HTT: variants seen among roughly 807,000 people sequenced by gnomAD.
HTT encodes huntington disease protein.
A neutral mutation model predicts 362.3 loss-of-function variants in HTT; 104 were observed. That is an observed-to-expected ratio of 0.29 (90% CI 0.24 to 0.34). HTT has a LOEUF of 0.34. HTT is among the 10% of genes least tolerant of loss of function. The pLI is 1.00. For missense variants in HTT, 3,301 were observed against 3,928.6 expected (o/e 0.84, Z 4.27); for synonymous variants, 1,577 against 1,548.7 (o/e 1.02, Z -0.43).
At chr4:3,174,622 T>G in intron 31 of HTT, 99 bp from the exon 32 acceptor site, 2 of 891,166 alleles carry the variant, frequency 2.2e-6, no homozygotes, top group Non-Finnish European at 3.7e-6. Flanking sequence ...TCTGATCGTG[T>G]GAATGTGAAA....
intron 27 of HTT, among the ~76,000 whole-genome samples, chr4:3,155,846 T>C (rs1467593581): frequency 6.7e-6 from 1 of 148,282 alleles, no homozygotes; most frequent in African/African-American, 2.5e-5. Context: ...TGCAGTGAGC[T>C]GAGTTCATGC....
intron 56 of HTT, among the ~76,000 whole-genome samples, chr4:3,224,755 G>A (rs1294014974): frequency 3.9e-5 from 6 of 152,240 alleles, no homozygotes; most frequent in Non-Finnish European, 7.3e-5. Context: ...GCACCTTGAA[G>A]GCTTTAATTG....
At chr4:3,210,130 A>G (rs1020098296) in intron 47 of HTT, among the ~76,000 whole-genome samples, 181 bp downstream of exon 47, 2 of 152,144 alleles carry the variant, frequency 1.3e-5, no homozygotes, top group African/African-American at 4.8e-5. Context: ...GGAGGACTCC[A>G]TTTCAGATGG....
intron 41 of HTT, among the ~76,000 whole-genome samples, chr4:3,201,529 C>CAAAA (rs925357780): frequency 1.3e-4 from 8 of 61,628 alleles, no homozygotes; most frequent in East Asian, 5.6e-4. Context: ...GACTCCATCT[C>CAAAA]AAAAAAAAAA....
At chr4:3,153,845 G>A (rs1422787921) in intron 26 of HTT, among the ~76,000 whole-genome samples, 2 of 152,052 alleles carry the variant, frequency 1.3e-5, no homozygotes, top group African/African-American at 4.8e-5. Context: ...GATTGCTTGA[G>A]CCCAGGAGGT....
At chr4:3,239,105 A>G (rs761048793) in intron 66 of HTT, 127 bp downstream of exon 66, 19 of 977,232 alleles carry the variant, frequency 1.9e-5, no homozygotes, top group Non-Finnish European at 2.7e-5. Flanking sequence ...ACAGGCCCTC[A>G]GCCCCAGGGA....
chr4:3,160,018 T>C (rs1249112511), intron 28 of HTT, among the ~76,000 whole-genome samples: 1 of 152,190 alleles, frequency 6.6e-6, no homozygotes, highest in African/African-American at 2.4e-5. Context: ...TGAAAGAAAG[T>C]TAGGAATTAT....
chr4:3,086,345 A>G (rs563385411), intron 1 of HTT, among the ~76,000 whole-genome samples: 1 of 152,252 alleles, frequency 6.6e-6, no homozygotes, highest in African/African-American at 2.4e-5. Flanking sequence ...TGGGCATGTC[A>G]TGGTTGGCAC....
rs780493120 is a variant in HTT, at chr4:3,208,870, G to A, written c.6250G>A (p.Gly2084Arg). 1.2e-5 allele frequency: 19 copies of A among 1,613,996 alleles called. No individual in the cohort carries two copies. The highest frequency in any genetic ancestry group is 2.2e-5 in the South Asian group (2 of 91,054). The change falls in exon 46 of 67, where the codon GGG (glycine) becomes AGG (arginine). Residue 2084 changes from glycine (G) to arginine (R), a missense_variant. Gly to Arg is a moderately radical substitution (Grantham distance 125). Transcript: ENST00000355072. Reference protein sequence around the residue: ...SPPVSSHPLDGDGHVSLETVS... With the variant: ...SPPVSSHPLDRDGHVSLETVS... The stretch of plus-strand genomic sequence containing the variant: ...TCCAGTCTCTTCCCACCCGCTGGAC[G>A]GGGATGGGCACGTGTCACTGGAAAC...
At chr4:3,081,183 G>A (rs1338709806) in intron 1 of HTT, among the ~76,000 whole-genome samples, 4 of 152,164 alleles carry the variant, frequency 2.6e-5, no homozygotes, top group Non-Finnish European at 2.9e-5. Flanking sequence ...GGGAGTATTC[G>A]CATCTTAACA....
chr4:3,130,108 T>C (rs1715730944), intron 13 of HTT, 61 bp downstream of exon 13: 9 of 1,487,860 alleles, frequency 6.0e-6, no homozygotes, highest in Non-Finnish European at 8.1e-6. Flanking sequence ...GACATCTTAA[T>C]TATATCTTTG....
intron 47 of HTT, among the ~76,000 whole-genome samples, chr4:3,211,346 T>C (rs975454528): frequency 1.3e-5 from 2 of 152,244 alleles, no homozygotes; most frequent in Admixed American, 6.5e-5. Context: ...AAAGAAAGCT[T>C]CAACTTTTGG....
At chr4:3,130,655 T>G (rs962024685) in intron 14 of HTT, among the ~76,000 whole-genome samples, 2 of 152,246 alleles carry the variant, frequency 1.3e-5, no homozygotes, top group Admixed American at 6.5e-5. Flanking sequence ...ACAAATCTAT[T>G]CTGTACTGAA....
chr4:3,175,936 C>T (rs1343544902), intron 33 of HTT, among the ~76,000 whole-genome samples: 1 of 151,982 alleles, frequency 6.6e-6, no homozygotes, highest in East Asian at 1.9e-4. Flanking sequence ...GTCTGTTTCC[C>T]TAGGAGAACT....
At chr4:3,088,695 A>G (rs183193202) in intron 2 of HTT, among the ~76,000 whole-genome samples, 1 of 150,734 alleles carries the variant, frequency 6.6e-6, no homozygotes, top group African/African-American at 2.4e-5. Flanking sequence ...TATGAGTGTA[A>G]CTGCTCTGGA....
At chr4:3,215,074 G>A (rs1351546712) in intron 50 of HTT, 36 bp from the exon 51 acceptor site, 2 of 1,513,904 alleles carry the variant, frequency 1.3e-6, no homozygotes, top group African/African-American at 1.4e-5. Context: ...ATGGAAGTGT[G>A]TAGAAATTCT....
Position 3,228,347 on chromosome 4 carries a change from T to C in HTT, c.7849-268T>C, listed in dbSNP as rs1435490521. On this transcript the variant is annotated intron_variant, in intron 57 of 66. Coordinates refer to ENST00000355072, the MANE Select transcript of HTT (RefSeq NM_001388492.1). The surrounding 1 kb of genome is among the most constrained non-coding windows in gnomAD (Gnocchi z 4.3). ...AAAGCATCCCTTCGTAGAGCCTCTT[T>C]CTGTGTCACCCTCCTCAGCTGCTCC... Among the ~76,000 whole-genome samples, 1 of 152,180 alleles carries C rather than the reference T, an allele frequency of 6.6e-6. No homozygotes were observed. The highest frequency in any genetic ancestry group is 2.4e-5 in the African/African-American group (1 of 41,442).
intron 23 of HTT, among the ~76,000 whole-genome samples, chr4:3,143,120 T>A (rs554358492): frequency 7.9e-5 from 12 of 152,188 alleles, no homozygotes; most frequent in Admixed American, 3.3e-4. Context: ...AATAAAAAAA[T>A]TCAGCCAATT....
At chr4:3,161,385 T>C (rs1258459097) in intron 29 of HTT, among the ~76,000 whole-genome samples, 3 of 152,218 alleles carry the variant, frequency 2.0e-5, no homozygotes, top group Non-Finnish European at 2.9e-5. Flanking sequence ...TAAACATACA[T>C]GTGCATGTGT....
Sources: gnomAD v4.1 joint callset for allele counts (sites outside exome capture counted in the v4.1 genomes callset) on GRCh38, gnomAD v4.1.1 for gene constraint, Gnocchi (gnomAD v3.1) non-coding constraint, MANE v1.5 for transcripts, NCBI Gene and HGNC (gene_info 2026-07-23, HGNC 2026-07-21) for gene names.